Variants in RIF1 observed in about 807,000 individuals in gnomAD.
RIF1 encodes the protein telomere-associated protein RIF1.
In RIF1, 45 loss-of-function variants were observed where a neutral mutation model predicts 247.1. That is an observed-to-expected ratio of 0.18 (90% CI 0.14 to 0.23). RIF1 has a LOEUF of 0.23. Ranked by LOEUF, RIF1 falls within the 10% of genes least tolerant of loss-of-function variation. The pLI is 1.00. For missense variants in RIF1, 2,967 were observed against 2,862.5 expected, an observed-to-expected ratio of 1.04 and a Z score of -0.83; for synonymous variants, 1,087 against 978.8, an observed-to-expected ratio of 1.11 and a Z score of -2.06.
At chr2:151,526,200 A>G in the RIF1 span, 1 of 1,613,932 alleles carries the variant, frequency 6.2e-7, no homozygotes. Context: ...GCAGGATCTG[A>G]GGCGTGTCAG....
intron 18 of RIF1, among the ~76,000 whole-genome samples, chr2:151,445,030 A>G (rs552363102): frequency 6.6e-6 from 1 of 152,096 alleles, no homozygotes; most frequent in Non-Finnish European, 1.5e-5. Context: ...TAGCTGCATC[A>G]CTTGACTATG....
At chr2:151,514,455 A>G in the RIF1 span, 4 of 1,511,458 alleles carry the variant, frequency 2.6e-6, no homozygotes, top group East Asian at 9.0e-5. Flanking sequence ...AAGCAACAAC[A>G]TTGACAAGAA....
chr2:151,425,747 A>T (rs1373290211), intron 8 of RIF1, among the ~76,000 whole-genome samples: 1 of 140,056 alleles, frequency 7.1e-6, no homozygotes, highest in African/African-American at 2.7e-5. Flanking sequence ...GCTCACTGCA[A>T]CCTCTGTCTC....
intron 18 of RIF1, among the ~76,000 whole-genome samples, chr2:151,444,690 T>C (rs139102496): frequency 6.6e-6 from 1 of 152,304 alleles, no homozygotes; most frequent in East Asian, 1.9e-4. Context: ...CTTAAATAGC[T>C]CCCCACTGTT....
intron 25 of RIF1, 50 bp from the exon 26 acceptor site, chr2:151,459,950 A>G: frequency 7.1e-7 from 1 of 1,418,218 alleles, no homozygotes; most frequent in Non-Finnish European, 9.5e-7. Context: ...AAGGAAAAGC[A>G]AAATATTACC....
chr2:151,434,805 C>G (rs1160129880), intron 10 of RIF1, among the ~76,000 whole-genome samples: 1 of 151,832 alleles, frequency 6.6e-6, no homozygotes, highest in East Asian at 1.9e-4. Context: ...TTCTTTATCA[C>G]TTATTTTGGA....
In RIF1 at chr2:151,463,369, A is replaced by C. The variant is rs768699340; in HGVS notation, c.3849A>C (p.Gly1283=). The change falls in exon 30 of 36, where the codon GGA becomes GGC. Residue 1283 remains glycine, a synonymous_variant. Transcript: ENST00000444746. ...SKSDSEKIVN[G]TKRSSRRAGK... ...CTGATTCTGAAAAAATAGTGAATGG[A>C]ACTAAGAGATCAAGCCGGAGAGCTG... 6.2e-7 allele frequency: 1 copy of C among 1,614,026 alleles called. No individual in the cohort carries two copies. The highest frequency in any genetic ancestry group is 1.1e-5 in the South Asian group (1 of 91,058).
Position 151,463,221 on chromosome 2 carries a change from C to G in RIF1, c.3701C>G (p.Pro1234Arg). The G allele has an allele frequency of 6.2e-7, 1 of 1,614,014 alleles. No homozygotes were observed. The highest frequency in any genetic ancestry group is 8.5e-7 in the Non-Finnish European group (1 of 1,179,942). The part of the protein sequence containing the change: ...LEKFDGSENR[P>R]FSPSPLNNIS... ...AAGTTTGATGGTTCAGAAAATAGAC[C>G]TTTTAGTCCATCCCCCTTGAATAAT... Residue 1234 changes from proline to arginine, a missense_variant, in exon 30 of 36, where the codon CCT becomes CGT. By Grantham distance (103) the Pro-to-Arg change is moderately radical. Transcript: ENST00000444746.
In RIF1 at chr2:151,435,456, C is replaced by T; in HGVS notation, c.1078-7C>T. On this transcript the variant is annotated splice_region_variant and splice_polypyrimidine_tract_variant and intron_variant, in intron 10 of 35. Coordinates refer to ENST00000444746, the MANE Select transcript of RIF1 (RefSeq NM_018151.5). ...TTTATAGATCGATGTTTTCTTTTAC[C>T]CCATAGGTTTGTGTGCCTCTGATTC... The T allele has an allele frequency of 6.6e-7, 1 of 1,515,516 alleles. No homozygotes were observed. Among genetic ancestry groups the T allele is most frequent in the Non-Finnish European group, 9.2e-7 (1 of 1,091,064 alleles). The allele number at this position is 1,515,516 out of a possible 1,614,324, so 93.9% of individuals were successfully genotyped here. A position where few individuals can be genotyped will look rare whatever the true frequency, so the allele number is the denominator to read the frequency against.
rs149047914 is a variant in RIF1 at position 151,436,970 on chromosome 2, T to G, written c.1339T>G (p.Phe447Val). The change falls in exon 12 of 36, where the codon TTT (phenylalanine) becomes GTT (valine). Residue 447 changes from phenylalanine (F) to valine (V), a missense_variant. Physicochemically the swap from Phe to Val is conservative, Grantham distance 50. Transcript: ENST00000444746. The stretch of plus-strand genomic sequence containing the variant: ...CTTGTTGGGTCCAGAAGCCTTGAGT[T>G]TTGCTAAGCAAAATAAACTTGTGCT... ...HFLLGPEALS[F>V]AKQNKLVLSL... 5.3e-5 allele frequency: 86 copies of G among 1,612,628 alleles called. No individual in the cohort carries two copies. The highest frequency in any genetic ancestry group is 3.0e-5 in the Non-Finnish European group (35 of 1,179,732).
chr2:151,416,287 T>A (rs1687207855), intron 4 of RIF1, among the ~76,000 whole-genome samples: 1 of 152,318 alleles, frequency 6.6e-6, no homozygotes, highest in Non-Finnish European at 1.5e-5. Context: ...AATTGTCTTG[T>A]ATGTTCAAAC....
intron 9 of RIF1, chr2:151,490,194 G>A: frequency 8.5e-7 from 1 of 1,175,022 alleles, no homozygotes; most frequent in Non-Finnish European, 1.2e-6. Flanking sequence ...TCCAAAAAGA[G>A]AAATCAAAGA....
chr2:151,511,738 ATC>A (rs1161098268), downstream of RIF1, among the ~76,000 whole-genome samples: 1 of 152,152 alleles, frequency 6.6e-6, no homozygotes, highest in Non-Finnish European at 1.5e-5. Context: ...ACTTTTCTTC[ATC>A]TCTCTATTTG....
chr2:151,507,206 T>C (rs577229428), intron 13 of RIF1: 16 of 535,298 alleles, frequency 3.0e-5, no homozygotes, highest in Middle Eastern at 5.1e-4. Flanking sequence ...AAAAAACATA[T>C]AAAGCTAGGG....
chr2:151,451,523 CTT>C (rs1177232844), intron 20 of RIF1, 81 bp from the exon 21 acceptor site: 9 of 741,032 alleles, frequency 1.2e-5, no homozygotes, highest in Non-Finnish European at 2.2e-5. Context: ...GAGTAACAGT[CTT>C]ATATTTTTTC....
At position 151,433,049 on chromosome 2, in the gene RIF1, T is replaced by G. The variant is rs143552887; in HGVS notation, c.926-28T>G. The G allele has an allele frequency of 2.1e-4, 336 of 1,584,380 alleles. 3 individuals carry two copies. The East Asian group carries it at 7.3e-3, about 34-fold the overall frequency. On this transcript the variant is annotated intron_variant, in intron 9 of 35. Coordinates refer to ENST00000444746, the MANE Select transcript of RIF1 (RefSeq NM_018151.5). ...AGTTAATCTTTAGCTTGGACGTCTCTTTAACTGTGTGCTTATTTTCTTTTA... is the reference window on the plus strand; with the variant it reads ...AGTTAATCTTTAGCTTGGACGTCTCGTTAACTGTGTGCTTATTTTCTTTTA...
the RIF1 span, among the ~76,000 whole-genome samples, chr2:151,521,555 G>A: frequency 6.6e-6 from 1 of 152,196 alleles, no homozygotes; most frequent in Non-Finnish European, 1.5e-5. Context: ...AACCAGATAT[G>A]CAGAGTCAGA....
chr2:151,420,168 T>C, intron 6 of RIF1, 22 bp from the exon 7 acceptor site: 1 of 1,595,204 alleles, frequency 6.3e-7, no homozygotes, highest in African/African-American at 1.3e-5. Flanking sequence ...ACGCTAATTA[T>C]TCATTGATTT....
intron 8 of RIF1, 103 bp downstream of exon 8, chr2:151,423,145 G>T (rs1421298852): frequency 1.4e-5 from 9 of 662,358 alleles, no homozygotes; most frequent in Non-Finnish European, 2.4e-5. Context: ...CCTTTGTACA[G>T]CTGATGCTCA....
Sources: allele counts gnomAD v4.1 joint callset (sites outside exome capture counted in the v4.1 genomes callset), GRCh38; gene constraint gnomAD v4.1.1; transcripts MANE v1.5; gene names NCBI Gene and HGNC (gene_info 2026-07-23, HGNC 2026-07-21).